Variants in NTM observed in about 807,000 individuals in gnomAD.
NTM encodes IgLON family member 2.
Under a neutral mutation model 42.1 loss-of-function variants are expected in NTM, and 13 were observed. The ratio of observed to expected loss-of-function variants is 0.31; its 90% CI spans 0.20 to 0.49. The LOEUF (loss-of-function observed/expected upper bound fraction) is 0.49. Ranked by LOEUF, NTM falls within the 20% of genes least tolerant of loss-of-function variation. The pLI, the probability that NTM is intolerant of heterozygous loss-of-function variation, is 0.99. For missense variants in NTM, 373 were observed against 452.8 expected (o/e 0.82, Z 1.60); for synonymous variants, 187 against 179.2 (o/e 1.04, Z -0.35).
intron 1 of NTM, among the ~76,000 whole-genome samples, chr11:131,594,142 G>A (rs1044092319): frequency 1.3e-5 from 2 of 152,188 alleles, no homozygotes; most frequent in African/African-American, 4.8e-5. Context: ...TGTATCTCAT[G>A]ACAATTGGAT....
intron 1 of NTM, among the ~76,000 whole-genome samples, chr11:131,506,575 G>T (rs1028535135): frequency 6.6e-6 from 1 of 152,184 alleles, no homozygotes; most frequent in African/African-American, 2.4e-5. Flanking sequence ...AGCCTGGGGG[G>T]CCCTCTGAGG....
intron 4 of NTM, among the ~76,000 whole-genome samples, chr11:132,263,390 C>T (rs957223190): frequency 2.0e-4 from 31 of 152,230 alleles, no homozygotes; most frequent in African/African-American, 6.5e-4. Flanking sequence ...AGAAATCAGA[C>T]AACCTTCCTT....
At chr11:131,899,229 A>G (rs113393786) in intron 1 of NTM, among the ~76,000 whole-genome samples, 1,930 of 152,216 alleles carry the variant, frequency 0.013, 45 homozygotes, top group African/African-American at 0.043. Context: ...GTGAAGAGTG[A>G]AAGTTGGAGG....
chr11:131,623,091 G>T (rs2062744084), intron 1 of NTM, among the ~76,000 whole-genome samples: 2 of 152,154 alleles, frequency 1.3e-5, no homozygotes, highest in African/African-American at 4.8e-5. Flanking sequence ...TAGACACAGG[G>T]GCTTCTCTAT....
At chr11:131,692,705 A>T (rs527470003) in intron 1 of NTM, among the ~76,000 whole-genome samples, 3 of 152,302 alleles carry the variant, frequency 2.0e-5, no homozygotes, top group African/African-American at 7.2e-5. Context: ...TTCATAAAGG[A>T]TGTCACACAA....
At position 131,650,597 on chromosome 11, in the gene NTM, C is replaced by T. The variant is rs188900599; in HGVS notation, c.83-260967C>T. Among the ~76,000 whole-genome samples the T allele has an allele frequency of 2.4e-4, 37 of 152,264 alleles. No individual in the cohort carries two copies. In the East Asian group the frequency reaches 6.4e-3, roughly 26 times the overall value. ...GTGAAGATAAAATGAGATTATGTGC[C>T]TGGCTCACAGAAAGTTCTCAATAAA... is the stretch of plus-strand genomic sequence containing the variant. On this transcript the variant is annotated intron_variant, in intron 1 of 8. Coordinates refer to ENST00000683400, the MANE Select transcript of NTM (RefSeq NM_001352005.2).
intron 1 of NTM, among the ~76,000 whole-genome samples, chr11:131,752,344 A>G (rs1173283360): frequency 2.6e-5 from 4 of 152,228 alleles, no homozygotes; most frequent in Admixed American, 6.5e-5. Flanking sequence ...ATGAGATACC[A>G]TCTCACACCA....
chr11:131,830,238 T>C (rs1390156987), intron 1 of NTM, among the ~76,000 whole-genome samples: 2 of 152,146 alleles, frequency 1.3e-5, no homozygotes, highest in Non-Finnish European at 2.9e-5. Flanking sequence ...ATGTAGTTCT[T>C]TCCCAAGGCT....
chr11:132,243,572 G>A (rs2090576152), intron 4 of NTM, among the ~76,000 whole-genome samples: 1 of 152,162 alleles, frequency 6.6e-6, no homozygotes, highest in Non-Finnish European at 1.5e-5. Flanking sequence ...AGAAGTAGAG[G>A]GTTTCCCTCA....
intron 1 of NTM, among the ~76,000 whole-genome samples, chr11:131,691,016 G>C (rs369793826): frequency 4.6e-5 from 7 of 152,198 alleles, no homozygotes; most frequent in Non-Finnish European, 1.0e-4. Context: ...ATCACTCAGC[G>C]GGGCCTTGCC....
At chr11:131,669,585 A>G (rs1308850888) in intron 1 of NTM, among the ~76,000 whole-genome samples, 1 of 152,134 alleles carries the variant, frequency 6.6e-6, no homozygotes, top group Non-Finnish European at 1.5e-5. Flanking sequence ...GGGGGAGGGC[A>G]ACGTCACTCA....
chr11:132,095,144 T>C (rs765905588), intron 2 of NTM, among the ~76,000 whole-genome samples: 3 of 152,208 alleles, frequency 2.0e-5, no homozygotes, highest in Non-Finnish European at 4.4e-5. Flanking sequence ...GGCACCTACT[T>C]TGTGGCTGCA....
At chr11:132,036,584 C>T (rs1345078454) in intron 2 of NTM, among the ~76,000 whole-genome samples, 1 of 152,114 alleles carries the variant, frequency 6.6e-6, no homozygotes. Flanking sequence ...TGTCACCAAG[C>T]GAATGGTGTA....
intron 1 of NTM, among the ~76,000 whole-genome samples, chr11:131,691,639 C>T (rs2074748308): frequency 6.6e-6 from 1 of 151,910 alleles, no homozygotes; most frequent in Non-Finnish European, 1.5e-5. Flanking sequence ...TGAATATAAA[C>T]CCCACAGCGG....
chr11:132,133,085 A>G (rs1183413939), intron 2 of NTM, among the ~76,000 whole-genome samples: 1 of 152,230 alleles, frequency 6.6e-6, no homozygotes, highest in Non-Finnish European at 1.5e-5. Flanking sequence ...AAGTAGCCTT[A>G]GGCTTATGAA....
chr11:132,045,071 A>G (rs1160557868), intron 2 of NTM, among the ~76,000 whole-genome samples: 1 of 152,232 alleles, frequency 6.6e-6, no homozygotes, highest in African/African-American at 2.4e-5. Flanking sequence ...TAGAGATACA[A>G]CAAAAAAAGA....
intron 1 of NTM, among the ~76,000 whole-genome samples, chr11:131,427,152 C>A (rs1446244744): frequency 6.6e-6 from 1 of 151,412 alleles, no homozygotes; most frequent in Admixed American, 6.6e-5. Flanking sequence ...AGTCCAGAAG[C>A]AGAAGACCGG....
intron 1 of NTM, among the ~76,000 whole-genome samples, chr11:131,870,733 C>A (rs1243622206): frequency 1.3e-5 from 2 of 152,014 alleles, no homozygotes; most frequent in African/African-American, 4.8e-5. Context: ...GAAATAAAAC[C>A]CTTTTAGCAC....
intron 1 of NTM, among the ~76,000 whole-genome samples, chr11:131,552,080 A>G (rs560625146): frequency 6.6e-6 from 1 of 152,262 alleles, no homozygotes; most frequent in East Asian, 1.9e-4. Context: ...ACAGAGAGGC[A>G]AGTTAAGACC....
Sources: gnomAD v4.1 joint callset for allele counts (sites outside exome capture counted in the v4.1 genomes callset) on GRCh38, gnomAD v4.1.1 for gene constraint, MANE v1.5 for transcripts, NCBI Gene and HGNC (gene_info 2026-07-23, HGNC 2026-07-21) for gene names.